ASB18: variants seen among roughly 807,000 people sequenced by gnomAD.
ASB18 encodes ankyrin repeat and SOCS box containing 18, also known as ankyrin repeat and SOCS box protein 18.
ASB18 carries 33 observed loss-of-function variants against 33.4 expected under a neutral mutation model. That is an observed-to-expected ratio of 0.99 (90% CI 0.75 to 1.32). The LOEUF (loss-of-function observed/expected upper bound fraction) is 1.32, where lower values mean the gene tolerates loss of function less well. Ranked by LOEUF, ASB18 falls within the 40% of genes most tolerant of loss-of-function variation. ASB18 has a pLI of 0.00. For missense variants in ASB18, 694 were observed against 655.5 expected (o/e 1.06, Z -0.64); for synonymous variants, 295 against 307.6 (o/e 0.96, Z 0.43).
chr2:236,198,017 C>A (rs2060382495), intron 4 of ASB18, among the ~76,000 whole-genome samples: 1 of 152,272 alleles, frequency 6.6e-6, no homozygotes, highest in East Asian at 1.9e-4. Flanking sequence ...ATGACCTGAA[C>A]CACTACCGGG....
chr2:236,221,154 C>T lies in ASB18; in HGVS notation c.597-6288G>A, dbSNP rs2060509094. Among the ~76,000 whole-genome samples the T allele has an allele frequency of 2.6e-5, 4 of 152,114 alleles. No individual in the cohort carries two copies. The highest frequency in any genetic ancestry group is 2.6e-4 in the Admixed American group (4 of 15,270). On this transcript the variant is annotated intron_variant, in intron 3 of 5. Transcript: ENST00000409749. This position sits in a 1 kb window ranked among gnomAD's most constrained non-coding sequence, Gnocchi z 5.6. ...GTGTGTCCTGTTTGGGATATGAACTCCAGCCCCCACTATCCAGTGGTGAAT... is the reference window on the plus strand; with the variant it reads ...GTGTGTCCTGTTTGGGATATGAACTTCAGCCCCCACTATCCAGTGGTGAAT...
intron 3 of ASB18, among the ~76,000 whole-genome samples, chr2:236,227,120 T>C (rs781721975): frequency 2.0e-5 from 3 of 152,142 alleles, no homozygotes; most frequent in Non-Finnish European, 2.9e-5. Context: ...ATAATAAATA[T>C]AGCCATGCAT....
At chr2:236,198,599 C>T (rs1350682187) in intron 4 of ASB18, among the ~76,000 whole-genome samples, 2 of 152,172 alleles carry the variant, frequency 1.3e-5, no homozygotes, top group East Asian at 1.9e-4. Flanking sequence ...AACTCCTGAC[C>T]TCATGATCCG....
rs1215000919 is a variant in ASB18 at position 236,252,742 on chromosome 2, A to G, written c.206-11340T>C. 6.6e-6 allele frequency among the ~76,000 whole-genome samples: 1 copy of G among 152,162 alleles called. No homozygotes were observed. Among genetic ancestry groups the G allele is most frequent in the Admixed American group, 6.5e-5 (1 of 15,272 alleles). On this transcript the variant is annotated intron_variant, in intron 1 of 5. Transcript: ENST00000409749. This position sits in a 1 kb window ranked among gnomAD's most constrained non-coding sequence, Gnocchi z 7.9. ...AGCAGGAAATGAAGCCGCCACAGAC[A>G]GCAGACCTGTGATTCAGGGCTGAGA...
At position 236,217,585 on chromosome 2, in the gene ASB18, A is replaced by T. The variant is rs2060493847; in HGVS notation, c.597-2719T>A. Among the ~76,000 whole-genome samples, 1 of 152,178 alleles carries T rather than the reference A, an allele frequency of 6.6e-6. No homozygotes were observed. The highest frequency in any genetic ancestry group is 1.9e-4 in the East Asian group (1 of 5,178). ...AATTAACATCTTTCAGCTTTTCTTT[A>T]TATTGCCGCTGCTTTTCCTACTATA... On this transcript the variant is annotated intron_variant, in intron 3 of 5. Coordinates refer to ENST00000409749, the MANE Select transcript of ASB18 (RefSeq NM_212556.4). The surrounding 1 kb of genome is among the most constrained non-coding windows in gnomAD (Gnocchi z 5.2).
At position 236,216,428 on chromosome 2, in the gene ASB18, C is replaced by T. The variant is rs980768569; in HGVS notation, c.597-1562G>A. On this transcript the variant is annotated intron_variant, in intron 3 of 5. Transcript: ENST00000409749. This position sits in a 1 kb window ranked among gnomAD's most constrained non-coding sequence, Gnocchi z 6.1. ...TCTGTTTTGACAACAGCTGTTGCCT[C>T]CCTCTTCCCCAGGCCTAAGGAAGGC... 6.6e-6 allele frequency among the ~76,000 whole-genome samples: 1 copy of T among 152,068 alleles called. No homozygotes were observed. The highest frequency in any genetic ancestry group is 1.5e-5 in the Non-Finnish European group (1 of 67,922).
rs2060534930 is a variant in ASB18, at chr2:236,225,856, T to C, written c.597-10990A>G. Among the ~76,000 whole-genome samples, 1 of 152,098 alleles carries C rather than the reference T, an allele frequency of 6.6e-6. No homozygotes were observed. Among genetic ancestry groups the C allele is most frequent in the Admixed American group, 6.5e-5 (1 of 15,272 alleles). The stretch of plus-strand genomic sequence containing the variant: ...CAAAGGTTTTAAAGTCCTGTGCCCA[T>C]GGCGAATTGCCAACTAAAAGGGGAT... On this transcript the variant is annotated intron_variant, in intron 3 of 5. Transcript: ENST00000409749. This position sits in a 1 kb window ranked among gnomAD's most constrained non-coding sequence, Gnocchi z 5.1.
chr2:236,237,847 T>G lies in ASB18; in HGVS notation c.438A>C (p.Pro146=). 7.1e-7 allele frequency: 1 copy of G among 1,411,124 alleles called. No individual in the cohort carries two copies. The highest frequency in any genetic ancestry group is 9.1e-7 in the Non-Finnish European group (1 of 1,093,288). 87.4% of individuals were successfully genotyped at this position (1,411,124 alleles called of 1,614,324 possible). Reference sequence around the variant, plus strand: ...CGCCGCGGCCGCCGGGGCTGGCGTCTGGGTCTGCGCCGCGGCCGAGCAGGT... The same window carrying G: ...CGCCGCGGCCGCCGGGGCTGGCGTCGGGGTCTGCGCCGCGGCCGAGCAGGT... ...VRHLLGRGAD[P]DASPGGRGAL... is the part of the protein sequence containing the mutation. The change falls in exon 3 of 6, where the codon CCA becomes CCC. Residue 146 remains proline, a synonymous_variant. Transcript: ENST00000409749. This position sits in a 1 kb window ranked among gnomAD's most constrained non-coding sequence, Gnocchi z 6.2.
chr2:236,222,364 C>T lies in ASB18; in HGVS notation c.597-7498G>A, dbSNP rs114257901. 5.7e-3 allele frequency among the ~76,000 whole-genome samples: 875 copies of T among 152,284 alleles called. 11 individuals are homozygous for T. Among genetic ancestry groups the T allele is most frequent in the African/African-American group, 0.02 (835 of 41,560 alleles). ...AACTGGTTGGCCATTTCTATCATCA[C>T]GGTTTCCCTTGGAGCAATGGCTGCC... On this transcript the variant is annotated intron_variant, in intron 3 of 5. Coordinates refer to ENST00000409749, the MANE Select transcript of ASB18 (RefSeq NM_212556.4). This position sits in a 1 kb window ranked among gnomAD's most constrained non-coding sequence, Gnocchi z 5.5.
At chr2:236,198,410 C>T (rs1386330111) in intron 4 of ASB18, among the ~76,000 whole-genome samples, 6 of 151,968 alleles carry the variant, frequency 3.9e-5, no homozygotes, top group Non-Finnish European at 7.4e-5. Flanking sequence ...GCTCTATCAC[C>T]CAGGCTGGGG....
rs988381579 is a variant in ASB18, at chr2:236,217,422, A to T, written c.597-2556T>A. Among the ~76,000 whole-genome samples, 1 of 123,406 alleles carries T rather than the reference A, an allele frequency of 8.1e-6. No individual in the cohort carries two copies. The highest frequency in any genetic ancestry group is 1.6e-5 in the Non-Finnish European group (1 of 62,042). The allele number at this position is 123,406 out of a possible 152,430, so 81.0% of individuals were successfully genotyped here. A position where few individuals can be genotyped will look rare whatever the true frequency, so the allele number is the denominator to read the frequency against. On this transcript the variant is annotated intron_variant, in intron 3 of 5. Coordinates refer to ENST00000409749, the MANE Select transcript of ASB18 (RefSeq NM_212556.4). This position sits in a 1 kb window ranked among gnomAD's most constrained non-coding sequence, Gnocchi z 5.2. ...AGCGAGACTCTGTCTCAAAAAAAAA[A>T]AAAAATAAATCTTGGCACCTTCAAC...
rs1276365114 is a variant in ASB18 at position 236,248,216 on chromosome 2, T to TA, written c.206-6815dup. 1 of 152,164 alleles carries TA rather than the reference T, an allele frequency of 6.6e-6. No individual in the cohort carries two copies. The highest frequency in any genetic ancestry group is 1.5e-5 in the Non-Finnish European group (1 of 68,032). The allele number at this position is 152,164 out of a possible 1,614,324, so 9.4% of individuals were successfully genotyped here. The stretch of plus-strand genomic sequence containing the variant: ...CAAAAATGAATCACCTGAGGAACTT[T>TA]AAAAAACACGATGCCTGGAGCCCAC... On this transcript the variant is annotated intron_variant, in intron 1 of 5. Coordinates refer to ENST00000409749, the MANE Select transcript of ASB18 (RefSeq NM_212556.4). This position sits in a 1 kb window ranked among gnomAD's most constrained non-coding sequence, Gnocchi z 4.9.
At position 236,234,341 on chromosome 2, in the gene ASB18, G is replaced by C. The variant is rs186868935; in HGVS notation, c.596+3348C>G. On this transcript the variant is annotated intron_variant, in intron 3 of 5. Coordinates refer to ENST00000409749, the MANE Select transcript of ASB18 (RefSeq NM_212556.4). This position sits in a 1 kb window ranked among gnomAD's most constrained non-coding sequence, Gnocchi z 4.1. ...CCTGCTTCAGCCCCTTCAGAATAGA[G>C]ATACAGGCTGTGAACCTCTCAGCTC... Among the ~76,000 whole-genome samples the C allele has an allele frequency of 2.6e-5, 4 of 152,330 alleles. No individual in the cohort carries two copies. In the East Asian group the frequency reaches 7.7e-4, roughly 29 times the overall value.
In ASB18 at chr2:236,259,406, CA is replaced by C. The variant is rs1465290207; in HGVS notation, c.205+4734del. ...GAGGTTCTGGCCCTAGAAGAGGTGGCATTCAGGTTTGAATTATCCAGTTGGT... is the reference window on the plus strand; with the variant it reads ...GAGGTTCTGGCCCTAGAAGAGGTGGCTTCAGGTTTGAATTATCCAGTTGGT... On this transcript the variant is annotated intron_variant, in intron 1 of 5. Coordinates refer to ENST00000409749, the MANE Select transcript of ASB18 (RefSeq NM_212556.4). This position sits in a 1 kb window ranked among gnomAD's most constrained non-coding sequence, Gnocchi z 4.4. 4 of 418,644 alleles carry C rather than the reference CA, an allele frequency of 9.6e-6. No homozygotes were observed. The highest frequency in any genetic ancestry group is 2.0e-5 in the Non-Finnish European group (4 of 198,078). The allele number at this position is 418,644 out of a possible 1,614,324, so 25.9% of individuals were successfully genotyped here.
rs1280633760 is a variant in ASB18, at chr2:236,219,513, G to T, written c.597-4647C>A. ...AGGAGAGGAGAGGCCTGGGCTGGCT[G>T]GGAGCTACTCAGTGATAACAATCGT... On this transcript the variant is annotated intron_variant, in intron 3 of 5. Transcript: ENST00000409749. This position sits in a 1 kb window ranked among gnomAD's most constrained non-coding sequence, Gnocchi z 6.4. 1.3e-5 allele frequency among the ~76,000 whole-genome samples: 2 copies of T among 152,166 alleles called. No homozygotes were observed. Among genetic ancestry groups the T allele is most frequent in the Admixed American group, 1.3e-4 (2 of 15,284 alleles).
Position 236,237,993 on chromosome 2 carries a change from G to A in ASB18, c.329-37C>T, listed in dbSNP as rs1399379526. ...GAGGTGGGATGTAAGGTCAGGGGGAGGTTAGTTGTGGTGGTGGTGGGCGGT... is the reference window on the plus strand; with the variant it reads ...GAGGTGGGATGTAAGGTCAGGGGGAAGTTAGTTGTGGTGGTGGTGGGCGGT... On this transcript the variant is annotated intron_variant, in intron 2 of 5. Coordinates refer to ENST00000409749, the MANE Select transcript of ASB18 (RefSeq NM_212556.4). The surrounding 1 kb of genome is among the most constrained non-coding windows in gnomAD (Gnocchi z 6.2). 2.1e-6 allele frequency: 3 copies of A among 1,432,606 alleles called. No individual in the cohort carries two copies. Among genetic ancestry groups the A allele is most frequent in the African/African-American group, 1.5e-5 (1 of 66,700 alleles). 88.7% of individuals were successfully genotyped at this position (1,432,606 alleles called of 1,614,324 possible).
chr2:236,239,387 T>A lies in ASB18; in HGVS notation c.329-1431A>T. Among the ~76,000 whole-genome samples, 1 of 151,902 alleles carries A rather than the reference T, an allele frequency of 6.6e-6. No homozygotes were observed. Reference sequence around the variant, plus strand: ...AGGTGGGGATCTAGCTCAGCCACAGTGTGGGCCAGCACCGTCTCCAGGTCC... The same window carrying A: ...AGGTGGGGATCTAGCTCAGCCACAGAGTGGGCCAGCACCGTCTCCAGGTCC... On this transcript the variant is annotated intron_variant, in intron 2 of 5. Coordinates refer to ENST00000409749, the MANE Select transcript of ASB18 (RefSeq NM_212556.4). This position sits in a 1 kb window ranked among gnomAD's most constrained non-coding sequence, Gnocchi z 5.6.
At chr2:236,198,577 A>C (rs374158805) in intron 4 of ASB18, among the ~76,000 whole-genome samples, 1 of 152,168 alleles carries the variant, frequency 6.6e-6, no homozygotes, top group Non-Finnish European at 1.5e-5. Context: ...CATGTTGGCC[A>C]GGCTGGTCTT....
In ASB18 at chr2:236,214,175, C is replaced by A; in HGVS notation, c.1101+187G>T. ...CAGGAACAGCAGTCTAGGCCACACC[C>A]GGGAGCTTGTTGGCAATGCAGGCTC... On this transcript the variant is annotated intron_variant, in intron 4 of 5. Transcript: ENST00000409749. This position sits in a 1 kb window ranked among gnomAD's most constrained non-coding sequence, Gnocchi z 6.5. 1 of 627,990 alleles carries A rather than the reference C, an allele frequency of 1.6e-6. No individual in the cohort carries two copies. The allele number at this position is 627,990 out of a possible 1,614,324, so 38.9% of individuals were successfully genotyped here. A position where few individuals can be genotyped will look rare whatever the true frequency, so the allele number is the denominator to read the frequency against.
Sources: gnomAD v4.1 joint callset for allele counts (sites outside exome capture counted in the v4.1 genomes callset) on GRCh38, gnomAD v4.1.1 for gene constraint, Gnocchi (gnomAD v3.1) non-coding constraint, MANE v1.5 for transcripts, NCBI Gene and HGNC (gene_info 2026-07-23, HGNC 2026-07-21) for gene names.